PDE11A: variants seen among roughly 807,000 people sequenced by gnomAD.
PDE11A encodes dual 3',5'-cyclic-AMP and -GMP phosphodiesterase 11A.
PDE11A carries 100 observed loss-of-function variants against 100.5 expected under a neutral mutation model. That is an observed-to-expected ratio of 1.00 (90% CI 0.85 to 1.18). The LOEUF (loss-of-function observed/expected upper bound fraction) is 1.18. Among genes scored for constraint, PDE11A ranks in the 50% most tolerant of loss-of-function variants. PDE11A has a pLI of 0.00. For synonymous variants in PDE11A, 381 were observed against 420.8 expected, an observed-to-expected ratio of 0.91 and a Z score of 1.16; for missense variants, 1,141 against 1,152.6, an observed-to-expected ratio of 0.99 and a Z score of 0.15.
intron 10 of PDE11A, among the ~76,000 whole-genome samples, chr2:177,738,471 G>A (rs190098852): frequency 2.6e-5 from 4 of 152,292 alleles, no homozygotes; most frequent in East Asian, 1.9e-4. Context: ...GTTTAGAGAC[G>A]TAAGATACGA....
intron 1 of PDE11A, among the ~76,000 whole-genome samples, chr2:178,070,715 C>T (rs1264039048): frequency 6.6e-6 from 1 of 152,150 alleles, no homozygotes; most frequent in Non-Finnish European, 1.5e-5. Flanking sequence ...GTTGGGTTTC[C>T]TTTTCCACTT....
chr2:177,757,935 A>G (rs1410693284), intron 10 of PDE11A, among the ~76,000 whole-genome samples: 1 of 152,096 alleles, frequency 6.6e-6, no homozygotes, highest in East Asian at 1.9e-4. Context: ...TTTAGTCTCA[A>G]TGAAATGCTT....
intron 9 of PDE11A, among the ~76,000 whole-genome samples, chr2:177,772,892 T>C (rs971858020): frequency 6.6e-6 from 1 of 152,238 alleles, no homozygotes; most frequent in Non-Finnish European, 1.5e-5. Context: ...AGACATATGT[T>C]TCATAAATAT....
At chr2:178,030,333 A>C (rs1207950958) in intron 1 of PDE11A, among the ~76,000 whole-genome samples, 1 of 152,180 alleles carries the variant, frequency 6.6e-6, no homozygotes, top group African/African-American at 2.4e-5. Flanking sequence ...AAAATCTTTC[A>C]AAAAACTAGA....
At chr2:177,895,312 G>A (rs1031995367) in intron 4 of PDE11A, among the ~76,000 whole-genome samples, 2 of 152,198 alleles carry the variant, frequency 1.3e-5, no homozygotes, top group Non-Finnish European at 2.9e-5. Context: ...TAGTACTTTG[G>A]GAGGCCGAGG....
chr2:177,759,178 C>T (rs1448376425), intron 10 of PDE11A, among the ~76,000 whole-genome samples: 1 of 149,418 alleles, frequency 6.7e-6, no homozygotes, highest in Non-Finnish European at 1.5e-5. Flanking sequence ...CACGTGCACA[C>T]ACACACACAC....
At position 177,728,154 on chromosome 2, in the gene PDE11A, C is replaced by T. The variant is rs1232583213; in HGVS notation, c.1807G>A (p.Val603Met). ...DKFKAANIPLVSELAIDDIHF... is the reference protein window; with the variant it reads ...DKFKAANIPLMSELAIDDIHF... ...ATGTCATCGATGGCAAGTTCTGACA[C>T]CAGAGGGATGTTGGCTGCCTAGAAA... Residue 603 changes from valine (V) to methionine (M), a missense_variant, in exon 11 of 20, where the codon GTG (valine) becomes ATG (methionine). Coordinates refer to ENST00000286063, the MANE Select transcript of PDE11A (RefSeq NM_016953.4). The T allele has an allele frequency of 6.2e-7, 1 of 1,613,132 alleles. No homozygotes were observed. Among genetic ancestry groups the T allele is most frequent in the Non-Finnish European group, 8.5e-7 (1 of 1,179,492 alleles).
At chr2:177,813,806 T>G (rs895827612) in intron 9 of PDE11A, among the ~76,000 whole-genome samples, 1 of 147,788 alleles carries the variant, frequency 6.8e-6, no homozygotes, top group African/African-American at 2.6e-5. Flanking sequence ...TGGAATGGAT[T>G]ATTTCCCTCC....
intron 9 of PDE11A, among the ~76,000 whole-genome samples, chr2:177,793,858 G>A (rs1269313187): frequency 6.6e-6 from 1 of 152,234 alleles, no homozygotes; most frequent in Non-Finnish European, 1.5e-5. Flanking sequence ...ACAGCCATCT[G>A]AAGCTGCAGA....
chr2:177,862,792 C>G (rs978481949), intron 5 of PDE11A, among the ~76,000 whole-genome samples: 4 of 151,876 alleles, frequency 2.6e-5, no homozygotes, highest in African/African-American at 9.7e-5. Flanking sequence ...CAATACCTAT[C>G]AAAATTCCAC....
intron 2 of PDE11A, among the ~76,000 whole-genome samples, chr2:177,980,114 C>G (rs1481256160): frequency 6.7e-6 from 1 of 150,186 alleles, no homozygotes; most frequent in Non-Finnish European, 1.5e-5. Context: ...AAGTTTCAAA[C>G]CTACTGCTTT....
intron 9 of PDE11A, among the ~76,000 whole-genome samples, chr2:177,802,028 G>C (rs1406710910): frequency 6.6e-6 from 1 of 151,856 alleles, no homozygotes; most frequent in Admixed American, 6.6e-5. Context: ...AAAAAGACAA[G>C]CAATCCTATT....
intron 9 of PDE11A, among the ~76,000 whole-genome samples, chr2:177,812,707 C>T (rs550950851): frequency 6.6e-6 from 1 of 152,160 alleles, no homozygotes; most frequent in East Asian, 1.9e-4. Context: ...AAGGGAAATA[C>T]CTATGGAGAA....
intron 2 of PDE11A, among the ~76,000 whole-genome samples, chr2:177,942,713 AT>A: frequency 6.6e-6 from 1 of 152,258 alleles, no homozygotes; most frequent in African/African-American, 2.4e-5. Context: ...AAATTTTTTA[AT>A]TGTTGTAAAA....
rs1043567566 is a variant in PDE11A, at chr2:177,785,729, A to G, written c.1738-16356T>C. ...GGCTTAAAAAACGGCGCACCAGGAG[A>G]TTATATCCCACACATGGCTCGGAGG... On this transcript the variant is annotated intron_variant, in intron 9 of 19. Coordinates refer to ENST00000286063, the MANE Select transcript of PDE11A (RefSeq NM_016953.4). Among the ~76,000 whole-genome samples the G allele has an allele frequency of 4.2e-4, 64 of 152,238 alleles. 2 individuals are homozygous for G. Among genetic ancestry groups the G allele is most frequent in the Non-Finnish European group, 2.2e-4 (15 of 68,018 alleles).
intron 19 of PDE11A, among the ~76,000 whole-genome samples, chr2:177,660,096 TTTCTCTC>T (rs2080458934): frequency 3.0e-5 from 1 of 33,448 alleles, no homozygotes; most frequent in African/African-American, 1.0e-4. Context: ...TCTTTCTTTC[TTTCTCTC>T]TCTCTCTCTT....
In PDE11A at chr2:178,107,255, T is replaced by C. The variant is rs540044351; in HGVS notation, c.-14+999A>G. On this transcript the variant is annotated intron_variant, in intron 1 of 20. Coordinates refer to the PDE11A transcript ENST00000358450. Reference sequence around the variant, plus strand: ...GCATTAAAACCAACAGATTCAGTAATAGCAGGAAGGGAAGAGCAGGATAGC... The same window carrying C: ...GCATTAAAACCAACAGATTCAGTAACAGCAGGAAGGGAAGAGCAGGATAGC... Among the ~76,000 whole-genome samples the C allele has an allele frequency of 3.3e-5, 5 of 151,942 alleles. No homozygotes were observed. The South Asian group carries it at 8.4e-4, about 25-fold the overall frequency.
intron 1 of PDE11A, among the ~76,000 whole-genome samples, chr2:178,026,705 T>G (rs2086483456): frequency 6.6e-6 from 1 of 152,004 alleles, no homozygotes; most frequent in Non-Finnish European, 1.5e-5. Context: ...TAAAATCTGC[T>G]TTTTAAAGTT....
At chr2:177,762,567 G>A (rs1170850208) in intron 10 of PDE11A, among the ~76,000 whole-genome samples, 6 of 152,072 alleles carry the variant, frequency 3.9e-5, no homozygotes, top group African/African-American at 1.4e-4. Flanking sequence ...TGTTCCTAGC[G>A]CTCTGAAACA....
Sources: allele counts gnomAD v4.1 joint callset (sites outside exome capture counted in the v4.1 genomes callset), GRCh38; gene constraint gnomAD v4.1.1; transcripts MANE v1.5; gene names NCBI Gene and HGNC (gene_info 2026-07-23, HGNC 2026-07-21).